The following VPS13B variants were observed in gnomAD, a reference collection of about 807,000 sequenced individuals.
VPS13B encodes the protein intermembrane lipid transfer protein VPS13B.
VPS13B carries 285 observed loss-of-function variants against 426.4 expected under a neutral mutation model. The observed-to-expected ratio is 0.67, with a 90% CI of 0.61 to 0.74. VPS13B has a LOEUF of 0.74. VPS13B is among the 30% of genes least tolerant of loss of function. The probability of loss-of-function intolerance (pLI) is 0.00; values close to 1 mark genes in which losing one functional copy is unlikely to be tolerated. For missense variants in VPS13B, 4,537 were observed against 4,782.6 expected, an observed-to-expected ratio of 0.95 and a Z score of 1.51; for synonymous variants, 1,676 against 1,676.4, an observed-to-expected ratio of 1.00 and a Z score of 0.01.
intron 19 of VPS13B, among the ~76,000 whole-genome samples, chr8:99,313,595 A>T (rs958460276): frequency 1.3e-5 from 2 of 152,076 alleles, no homozygotes; most frequent in Non-Finnish European, 2.9e-5. Context: ...GGTGCCTCCC[A>T]GTTAGGGTAC....
intron 15 of VPS13B, among the ~76,000 whole-genome samples, chr8:99,162,441 T>A (rs1197026346): frequency 6.6e-6 from 1 of 152,234 alleles, no homozygotes; most frequent in Non-Finnish European, 1.5e-5. Flanking sequence ...GGGTTCTTGG[T>A]CTCACTGACT....
At chr8:99,223,660 A>C (rs1815854071) in intron 17 of VPS13B, among the ~76,000 whole-genome samples, 1 of 152,188 alleles carries the variant, frequency 6.6e-6, no homozygotes. Context: ...GGGTAGTAAT[A>C]AAGTTGGTAT....
intron 16 of VPS13B, among the ~76,000 whole-genome samples, chr8:99,177,109 T>C (rs4735604): frequency 0.17 from 26,432 of 152,096 alleles, 2,812 homozygotes; most frequent in East Asian, 0.38. Context: ...AAGGAAGTGA[T>C]GAGTGCTCAC....
Position 99,812,093 on chromosome 8 carries a change from C to T in VPS13B, c.8097+2563C>T, listed in dbSNP as rs138873992. Among the ~76,000 whole-genome samples the T allele has an allele frequency of 1.2e-4, 18 of 152,198 alleles. No homozygotes were observed. In the East Asian group the frequency reaches 2.7e-3, roughly 23 times the overall value. Reference sequence around the variant, plus strand: ...AATATTACACATCGCAACAGTATACCTACCAAATGTCATAAAAGTTGGTTA... The same window carrying T: ...AATATTACACATCGCAACAGTATACTTACCAAATGTCATAAAAGTTGGTTA... On this transcript the variant is annotated intron_variant, in intron 44 of 61. Coordinates refer to ENST00000357162, the MANE Select transcript of VPS13B (RefSeq NM_152564.5).
chr8:99,261,286 T>C (rs1588184281), intron 17 of VPS13B, among the ~76,000 whole-genome samples: 2 of 152,110 alleles, frequency 1.3e-5, no homozygotes, highest in Admixed American at 1.3e-4. Context: ...ATTTATCCTA[T>C]CCCCCACCAG....
intron 19 of VPS13B, among the ~76,000 whole-genome samples, chr8:99,275,505 T>A (rs1449253245): frequency 6.6e-6 from 1 of 152,096 alleles, no homozygotes; most frequent in Non-Finnish European, 1.5e-5. Flanking sequence ...AACTTCAGAT[T>A]CGTATATATA....
chr8:99,385,689 T>C (rs1814079409), intron 20 of VPS13B, among the ~76,000 whole-genome samples: 1 of 152,168 alleles, frequency 6.6e-6, no homozygotes, highest in Non-Finnish European at 1.5e-5. Context: ...ATTAACTATG[T>C]AGATGTATGT....
At chr8:99,625,080 C>G (rs1299450891) in intron 33 of VPS13B, among the ~76,000 whole-genome samples, 1 of 152,066 alleles carries the variant, frequency 6.6e-6, no homozygotes, top group Non-Finnish European at 1.5e-5. Context: ...CCGCCTCAGC[C>G]TCCCAAAGTG....
chr8:99,697,200 G>C (rs1473203343), intron 35 of VPS13B: 4 of 558,962 alleles, frequency 7.2e-6, no homozygotes, highest in Non-Finnish European at 1.3e-5. Context: ...GGTGGAGGGT[G>C]GGCAAGTGCA....
At chr8:99,393,919 TAGAG>T (rs1164322109) in intron 21 of VPS13B, among the ~76,000 whole-genome samples, 7 of 152,148 alleles carry the variant, frequency 4.6e-5, no homozygotes, top group Non-Finnish European at 7.4e-5. Flanking sequence ...TATGATTTCT[TAGAG>T]TGAGTACATA....
intron 8 of VPS13B, among the ~76,000 whole-genome samples, chr8:99,122,683 G>C (rs1310100115): frequency 6.6e-6 from 1 of 152,142 alleles, no homozygotes; most frequent in East Asian, 1.9e-4. Context: ...TTCAATGCCA[G>C]CTGTGTCTAA....
intron 17 of VPS13B, among the ~76,000 whole-genome samples, chr8:99,238,283 CT>C (rs748943008): frequency 1.3e-5 from 2 of 151,686 alleles, no homozygotes; most frequent in Admixed American, 6.6e-5. Flanking sequence ...AAGACAATGT[CT>C]TTAGTTAATA....
At chr8:99,678,794 G>C (rs535268394) in intron 35 of VPS13B, among the ~76,000 whole-genome samples, 9 of 152,248 alleles carry the variant, frequency 5.9e-5, no homozygotes, top group African/African-American at 2.2e-4. Flanking sequence ...CCTACTATTT[G>C]AGTATTCAGT....
intron 31 of VPS13B, among the ~76,000 whole-genome samples, chr8:99,568,647 C>T (rs1348681530): frequency 1.3e-5 from 2 of 151,966 alleles, no homozygotes; most frequent in African/African-American, 2.4e-5. Context: ...TTATGCCTCC[C>T]ATTAATATAA....
intron 17 of VPS13B, among the ~76,000 whole-genome samples, chr8:99,214,626 A>T (rs1006494128): frequency 2.0e-5 from 3 of 152,146 alleles, no homozygotes; most frequent in Admixed American, 6.6e-5. Flanking sequence ...ACCTATGTTT[A>T]ATCATGTACC....
intron 7 of VPS13B, 124 bp downstream of exon 7, chr8:99,115,998 T>C (rs1217437477): frequency 1.9e-6 from 2 of 1,033,004 alleles, no homozygotes; most frequent in Non-Finnish European, 2.8e-6. Context: ...GGGCTGATTG[T>C]TTTTTGGTTG....
chr8:99,550,314 G>A (rs1009720308), intron 30 of VPS13B, among the ~76,000 whole-genome samples: 1 of 151,782 alleles, frequency 6.6e-6, no homozygotes, highest in Admixed American at 6.6e-5. Context: ...AGTTATAGAA[G>A]AAGTAATGTT....
intron 2 of VPS13B, among the ~76,000 whole-genome samples, chr8:99,014,344 C>T (rs1841493642): frequency 6.6e-6 from 1 of 151,782 alleles, no homozygotes; most frequent in Non-Finnish European, 1.5e-5. Flanking sequence ...TCTCGAACTC[C>T]TGAGCTTAGG....
intron 17 of VPS13B, among the ~76,000 whole-genome samples, chr8:99,199,997 G>A (rs138867894): frequency 1.3e-5 from 2 of 152,108 alleles, no homozygotes; most frequent in East Asian, 1.9e-4. Context: ...ATTTTAGAAC[G>A]TTTCCAGCAT....
Sources: gnomAD v4.1 joint callset for allele counts (sites outside exome capture counted in the v4.1 genomes callset) on GRCh38, gnomAD v4.1.1 for gene constraint, MANE v1.5 for transcripts, NCBI Gene and HGNC (gene_info 2026-07-23, HGNC 2026-07-21) for gene names.